The following SEPSECS variants were observed in gnomAD, a reference collection of about 807,000 sequenced individuals.
SEPSECS encodes O-phosphoseryl-tRNA(Sec) selenium transferase.
In SEPSECS, 42 loss-of-function variants were observed where a neutral mutation model predicts 52.1. That is an observed-to-expected ratio of 0.81 (90% CI 0.63 to 1.04). SEPSECS has a LOEUF of 1.04. Ranked by LOEUF, SEPSECS falls within the 50% of genes least tolerant of loss-of-function variation. SEPSECS has a pLI of 0.00. For missense variants in SEPSECS, 590 were observed against 610.6 expected, an observed-to-expected ratio of 0.97 and a Z score of 0.36; for synonymous variants, 216 against 211.4, an observed-to-expected ratio of 1.02 and a Z score of -0.19.
Position 25,124,151 on chromosome 4 carries a change from T to TG in SEPSECS, c.1285_1286insC (p.Tyr429SerfsTer27), listed in dbSNP as rs1487465752. ...TGCAGCATTGAGGTAAGCACAAGGG[T>TG]AATTATTTGTATGTGACATAAAGCC... On this transcript the variant is annotated frameshift_variant, in exon 11 of 11. Coordinates refer to ENST00000382103, the MANE Select transcript of SEPSECS (RefSeq NM_016955.4). LOFTEE classifies it high-confidence loss of function. 6.2e-7 allele frequency: 1 copy of TG among 1,613,496 alleles called. No homozygotes were observed.
chr4:25,136,626 T>C (rs1379288999), intron 8 of SEPSECS, among the ~76,000 whole-genome samples: 1 of 152,064 alleles, frequency 6.6e-6, no homozygotes, highest in Non-Finnish European at 1.5e-5. Context: ...ATCATGAAAA[T>C]GGCCACACTG....
In SEPSECS at chr4:25,149,216, C is replaced by T. The variant is rs566349085; in HGVS notation, c.804+2744G>A. Among the ~76,000 whole-genome samples, 3 of 152,206 alleles carry T rather than the reference C, an allele frequency of 2.0e-5. No individual in the cohort carries two copies. In the South Asian group the frequency reaches 6.2e-4, roughly 32 times the overall value. On this transcript the variant is annotated intron_variant, in intron 6 of 10. Transcript: ENST00000382103. ...GGGACTACAAGTACACACCACCACA[C>T]CCAGAGAATTTTTTTTTAAATTTTA...
At position 25,132,864 on chromosome 4, in the gene SEPSECS, TG is replaced by T. The variant is rs1176773123; in HGVS notation, c.1027-5508del. Among the ~76,000 whole-genome samples, 5 of 152,234 alleles carry T rather than the reference TG, an allele frequency of 3.3e-5. No homozygotes were observed. The East Asian group carries it at 9.7e-4, about 29-fold the overall frequency. On this transcript the variant is annotated intron_variant, in intron 8 of 10. Coordinates refer to ENST00000382103, the MANE Select transcript of SEPSECS (RefSeq NM_016955.4). ...GTGACTGGAAGCAGTGACAAGAAAG[TG>T]GTAAGACGGAAAGCGCACAGACTTT...
At position 25,121,660 on chromosome 4, in the gene SEPSECS, C is replaced by T. The variant is rs573455408; in HGVS notation, c.*2271G>A. On this transcript the variant is annotated 3_prime_UTR_variant, in exon 11 of 11. Transcript: ENST00000382103. ...AAAACTCTTGTGAATTCTATGCCCT[C>T]AAATTTTAAGCCAGGAGGAATAGAG... 3.9e-5 allele frequency: 6 copies of T among 152,214 alleles called. 1 individual carries two copies. The South Asian group carries it at 1.0e-3, about 26-fold the overall frequency. The allele number at this position is 152,214 out of a possible 1,614,324, so 9.4% of individuals were successfully genotyped here. A position where few individuals can be genotyped will look rare whatever the true frequency, so the allele number is the denominator to read the frequency against.
rs184962417 is a variant in SEPSECS, at chr4:25,137,851, G to A, written c.1026+6923C>T. Among the ~76,000 whole-genome samples, 69 of 151,320 alleles carry A rather than the reference G, an allele frequency of 4.6e-4. 1 individual carries two copies. The highest frequency in any genetic ancestry group is 9.2e-4 in the Non-Finnish European group (62 of 67,728). On this transcript the variant is annotated intron_variant, in intron 8 of 10. Transcript: ENST00000382103. ...CAATGATAGACTGGATAAAGAAAATGTGGCACATCTACACCATGGAATACT... is the reference window on the plus strand; with the variant it reads ...CAATGATAGACTGGATAAAGAAAATATGGCACATCTACACCATGGAATACT...
At chr4:25,132,638 C>T (rs751344930) in intron 8 of SEPSECS, among the ~76,000 whole-genome samples, 2 of 152,274 alleles carry the variant, frequency 1.3e-5, no homozygotes, top group Admixed American at 6.5e-5. Context: ...AAATGGGCAT[C>T]GTAATACTTT....
chr4:25,144,747 T>C (rs753037102), intron 8 of SEPSECS, 27 bp downstream of exon 8: 1 of 1,492,370 alleles, frequency 6.7e-7, no homozygotes, highest in South Asian at 1.1e-5. Flanking sequence ...TCAAGAATGT[T>C]ATTCGACACC....
chr4:25,120,648 T>C lies in SEPSECS; in HGVS notation c.*3283A>G, dbSNP rs1392256904. On this transcript the variant is annotated 3_prime_UTR_variant, in exon 11 of 11. Coordinates refer to ENST00000382103, the MANE Select transcript of SEPSECS (RefSeq NM_016955.4). Reference sequence around the variant, plus strand: ...AAAAATGCAAAACATAACAAAATCATTTAAGGGTCTGGCAGAGGTTAGTAC... The same window carrying C: ...AAAAATGCAAAACATAACAAAATCACTTAAGGGTCTGGCAGAGGTTAGTAC... The C allele has an allele frequency of 6.6e-6, 1 of 152,128 alleles. No individual in the cohort carries two copies. Among genetic ancestry groups the C allele is most frequent in the Non-Finnish European group, 1.5e-5 (1 of 67,986 alleles). 9.4% of individuals were successfully genotyped at this position (152,128 alleles called of 1,614,324 possible). A position where few individuals can be genotyped will look rare whatever the true frequency, so the allele number is the denominator to read the frequency against.
At chr4:25,157,334 C>A (rs1212384326) in intron 2 of SEPSECS, among the ~76,000 whole-genome samples, 1 of 152,142 alleles carries the variant, frequency 6.6e-6, no homozygotes, top group East Asian at 1.9e-4. Context: ...GTGAAATTTT[C>A]ATGCTAGGCA....
At position 25,159,042 on chromosome 4, in the gene SEPSECS, G is replaced by A. The variant is rs770542944; in HGVS notation, c.180C>T (p.Ile60=). The change falls in exon 2 of 11, where the codon ATC becomes ATT. Residue 60 remains isoleucine, a synonymous_variant. Coordinates refer to ENST00000382103, the MANE Select transcript of SEPSECS (RefSeq NM_016955.4). ...TGCCTAAGAAATTGTTGCTGTCCAT[G>A]ATTGCAAGTTCATGTAAAAAGAGTT... is the stretch of plus-strand genomic sequence containing the variant. ...TLELFLHELA[I]MDSNNFLGNC... 6.2e-7 allele frequency: 1 copy of A among 1,612,986 alleles called. No individual in the cohort carries two copies. Among genetic ancestry groups the A allele is most frequent in the South Asian group, 1.1e-5 (1 of 91,050 alleles).
intron 8 of SEPSECS, among the ~76,000 whole-genome samples, chr4:25,132,969 G>T (rs1390527598): frequency 6.6e-6 from 1 of 152,078 alleles, no homozygotes; most frequent in Non-Finnish European, 1.5e-5. Context: ...ACTCCTCTGG[G>T]CCTCAATTTT....
Position 25,123,740 on chromosome 4 carries a change from A to C in SEPSECS, c.*191T>G, listed in dbSNP as rs1448357024. 3.4e-6 allele frequency: 2 copies of C among 594,686 alleles called. No homozygotes were observed. The highest frequency in any genetic ancestry group is 3.7e-5 in the African/African-American group (2 of 53,658). The allele number at this position is 594,686 out of a possible 1,614,324, so 36.8% of individuals were successfully genotyped here. On this transcript the variant is annotated 3_prime_UTR_variant, in exon 11 of 11. Transcript: ENST00000382103. ...TATATTATAACCTGTTAAGGATCACAAGGATTGATGCAGTCTAAGAATGGG... is the reference window on the plus strand; with the variant it reads ...TATATTATAACCTGTTAAGGATCACCAGGATTGATGCAGTCTAAGAATGGG...
chr4:25,150,586 A>C (rs1712239015), intron 6 of SEPSECS, among the ~76,000 whole-genome samples: 1 of 152,240 alleles, frequency 6.6e-6, no homozygotes, highest in Admixed American at 6.5e-5. Context: ...GTAAAAAAAA[A>C]ACACTGCCTA....
At chr4:25,142,564 C>T (rs1029291501) in intron 8 of SEPSECS, among the ~76,000 whole-genome samples, 9 of 152,068 alleles carry the variant, frequency 5.9e-5, no homozygotes, top group African/African-American at 2.2e-4. Flanking sequence ...TCAATAAATA[C>T]ACAGTAAATG....
chr4:25,151,257 G>A (rs1712284790), intron 6 of SEPSECS, among the ~76,000 whole-genome samples: 1 of 152,150 alleles, frequency 6.6e-6, no homozygotes, highest in African/African-American at 2.4e-5. Flanking sequence ...CTCTCTAGAA[G>A]AGCAATCCAG....
chr4:25,142,303 A>G (rs1419128216), intron 8 of SEPSECS, among the ~76,000 whole-genome samples: 1 of 151,878 alleles, frequency 6.6e-6, no homozygotes, highest in African/African-American at 2.4e-5. Flanking sequence ...CATCTCAATG[A>G]GGCCTGCCCT....
chr4:25,128,555 C>T (rs904223424), intron 8 of SEPSECS, among the ~76,000 whole-genome samples: 2 of 152,042 alleles, frequency 1.3e-5, no homozygotes, highest in Middle Eastern at 6.8e-3. Context: ...ATGTATTTTA[C>T]AAGTATCAAA....
chr4:25,160,422 GAC>G lies in SEPSECS; in HGVS notation c.-55_-54del, dbSNP rs1269502027. On this transcript the variant is annotated 5_prime_UTR_variant, in exon 1 of 11. Coordinates refer to ENST00000382103, the MANE Select transcript of SEPSECS (RefSeq NM_016955.4). ...GCGGGAGCACTAGCTCCACACGCCA[GAC>G]ACACGACGGAACCAGAATGCAACTC... The G allele has an allele frequency of 2.7e-5, 38 of 1,431,618 alleles. No homozygotes were observed. The African/African-American group carries it at 4.5e-4, about 17-fold the overall frequency. 88.7% of individuals were successfully genotyped at this position (1,431,618 alleles called of 1,614,324 possible). A position where few individuals can be genotyped will look rare whatever the true frequency, so the allele number is the denominator to read the frequency against.
chr4:25,155,187 G>C, intron 4 of SEPSECS, 36 bp from the exon 5 acceptor site: 1 of 1,608,960 alleles, frequency 6.2e-7, no homozygotes, highest in Non-Finnish European at 8.5e-7. Context: ...ATGTTAGTGT[G>C]AACTAAAATA....
Sources: allele counts gnomAD v4.1 joint callset (sites outside exome capture counted in the v4.1 genomes callset), GRCh38; gene constraint gnomAD v4.1.1; transcripts MANE v1.5; gene names NCBI Gene and HGNC (gene_info 2026-07-23, HGNC 2026-07-21).